The following CNTN4 variants were observed in gnomAD, a reference collection of about 807,000 sequenced individuals.
The protein encoded by CNTN4 is contactin-4.
CNTN4 carries 77 observed loss-of-function variants against 122.5 expected under a neutral mutation model. The observed-to-expected ratio is 0.63, with a 90% CI of 0.52 to 0.76. CNTN4 has a LOEUF of 0.76. CNTN4 is among the 30% of genes least tolerant of loss of function. The pLI, the probability that CNTN4 is intolerant of heterozygous loss-of-function variation, is 0.00. For synonymous variants in CNTN4, 512 were observed against 447.0 expected (o/e 1.15, Z -1.83); for missense variants, 1,256 against 1,259.1 (o/e 1.00, Z 0.04).
chr3:2,154,049 A>G (rs749124862), intron 2 of CNTN4, among the ~76,000 whole-genome samples: 6 of 152,132 alleles, frequency 3.9e-5, no homozygotes, highest in Non-Finnish European at 8.8e-5. Flanking sequence ...TAAAATTTAC[A>G]TTCTGTTATT....
chr3:2,890,820 C>A (rs1420491781), intron 10 of CNTN4, among the ~76,000 whole-genome samples: 1 of 152,124 alleles, frequency 6.6e-6, no homozygotes, highest in South Asian at 2.1e-4. Context: ...CCCATCTTCC[C>A]AATTTGTTTT....
At chr3:2,888,673 T>C (rs2094004962) in intron 10 of CNTN4, among the ~76,000 whole-genome samples, 1 of 151,926 alleles carries the variant, frequency 6.6e-6, no homozygotes, top group Admixed American at 6.6e-5. Context: ...TATGAATATG[T>C]ATATAAATTC....
intron 3 of CNTN4, among the ~76,000 whole-genome samples, chr3:2,419,998 G>A (rs2047556522): frequency 6.6e-6 from 1 of 152,116 alleles, no homozygotes; most frequent in African/African-American, 2.4e-5. Context: ...CACGGTCATT[G>A]GCAACATGAC....
rs141127688 is a variant in CNTN4 at position 2,865,204 on chromosome 3, A to G, written c.455-1548A>G. 6.6e-5 allele frequency among the ~76,000 whole-genome samples: 10 copies of G among 152,328 alleles called. No individual in the cohort carries two copies. In the South Asian group the frequency reaches 1.0e-3, roughly 16 times the overall value. On this transcript the variant is annotated intron_variant, in intron 7 of 24. Transcript: ENST00000418658. ...AAAATGATTAGCCATTCTCATATAA[A>G]CATAATTATATCTTTCTAAAATAAT...
intron 13 of CNTN4, among the ~76,000 whole-genome samples, chr3:2,983,064 A>G (rs1694185019): frequency 1.3e-5 from 2 of 151,530 alleles, no homozygotes; most frequent in Non-Finnish European, 2.9e-5. Context: ...AATACAAAAA[A>G]TTAGCCGGGC....
At chr3:2,723,170 A>G (rs182402597) in intron 4 of CNTN4, among the ~76,000 whole-genome samples, 11 of 152,338 alleles carry the variant, frequency 7.2e-5, no homozygotes, top group East Asian at 1.9e-4. Flanking sequence ...TTCAGGTACT[A>G]TGAAAAACAT....
intron 23 of CNTN4, among the ~76,000 whole-genome samples, chr3:3,049,043 C>T (rs1477155330): frequency 2.0e-5 from 3 of 152,182 alleles, no homozygotes; most frequent in Non-Finnish European, 2.9e-5. Context: ...ACTACTAATA[C>T]GTCTACTAAG....
chr3:2,714,350 A>T (rs1284276103), intron 4 of CNTN4, among the ~76,000 whole-genome samples: 1 of 152,196 alleles, frequency 6.6e-6, no homozygotes, highest in East Asian at 1.9e-4. Flanking sequence ...ACAGTTCTTC[A>T]TACTGTTCTG....
intron 4 of CNTN4, among the ~76,000 whole-genome samples, chr3:2,615,243 A>C (rs895189567): frequency 2.6e-5 from 4 of 152,228 alleles, no homozygotes; most frequent in African/African-American, 9.6e-5. Context: ...ACAGCCATTT[A>C]TAACAGGGTA....
intron 6 of CNTN4, among the ~76,000 whole-genome samples, chr3:2,755,911 C>G (rs981446482): frequency 6.6e-6 from 1 of 152,076 alleles, no homozygotes; most frequent in East Asian, 1.9e-4. Context: ...AAATATCACT[C>G]CTTTTTGTTT....
intron 4 of CNTN4, among the ~76,000 whole-genome samples, chr3:2,643,007 T>C (rs4685540): frequency 2.0e-5 from 3 of 152,308 alleles, no homozygotes; most frequent in Admixed American, 1.3e-4. Flanking sequence ...GATGTAAGGC[T>C]ATATTGAAAT....
Position 2,925,769 on chromosome 3 carries a change from G to C in CNTN4, c.1348G>C (p.Glu450Gln). 5 of 1,613,066 alleles carry C rather than the reference G, an allele frequency of 3.1e-6. No individual in the cohort carries two copies. The highest frequency in any genetic ancestry group is 4.2e-6 in the Non-Finnish European group (5 of 1,179,128). The change falls in exon 13 of 25, where the codon GAA (glutamate) becomes CAA (glutamine). Residue 450 changes from glutamate to glutamine, a missense_variant. Coordinates refer to ENST00000418658, the MANE Select transcript of CNTN4 (RefSeq NM_175607.3). ...GAAGAAAGGAAGGGATATATTAAAA[G>C]AAAATGAAAGGTACTGTCTTGAATT... is the stretch of plus-strand genomic sequence containing the variant. The part of the protein sequence containing the change: ...TWKKGRDILK[E>Q]NERITISEDG...
chr3:2,750,429 A>G (rs1485700787), intron 6 of CNTN4, among the ~76,000 whole-genome samples: 6 of 152,232 alleles, frequency 3.9e-5, no homozygotes, highest in African/African-American at 1.4e-4. Context: ...AAGTTGAATT[A>G]ATTCACATAA....
intron 7 of CNTN4, among the ~76,000 whole-genome samples, chr3:2,830,392 A>G (rs2093078930): frequency 6.6e-6 from 1 of 152,220 alleles, no homozygotes. Context: ...CCGAAAGGAA[A>G]TAATGTTTGG....
At chr3:2,419,821 C>A (rs763507021) in intron 3 of CNTN4, among the ~76,000 whole-genome samples, 1 of 152,094 alleles carries the variant, frequency 6.6e-6, no homozygotes, top group Non-Finnish European at 1.5e-5. Flanking sequence ...TTTCCAGGAC[C>A]CATTTTTCTT....
chr3:2,294,724 C>T (rs996066334), intron 2 of CNTN4, among the ~76,000 whole-genome samples: 9 of 152,064 alleles, frequency 5.9e-5, no homozygotes, highest in African/African-American at 1.2e-4. Context: ...ATGTGCACAA[C>T]GTGCAGGTTT....
At chr3:2,969,267 C>A (rs942744153) in intron 13 of CNTN4, among the ~76,000 whole-genome samples, 1 of 152,152 alleles carries the variant, frequency 6.6e-6, no homozygotes, top group African/African-American at 2.4e-5. Context: ...GTAACCCCAG[C>A]AGAAAACATA....
chr3:2,951,739 TG>T (rs1280826949), intron 13 of CNTN4, among the ~76,000 whole-genome samples: 2 of 152,332 alleles, frequency 1.3e-5, no homozygotes, highest in African/African-American at 4.8e-5. Flanking sequence ...GTAGTTTCAC[TG>T]GTGATATTTT....
intron 3 of CNTN4, among the ~76,000 whole-genome samples, chr3:2,496,076 C>A (rs2076444904): frequency 6.6e-6 from 1 of 152,124 alleles, no homozygotes; most frequent in South Asian, 2.1e-4. Flanking sequence ...TGGGAGATAT[C>A]AGTTGTCAGC....
Sources: gnomAD v4.1 joint callset for allele counts (sites outside exome capture counted in the v4.1 genomes callset) on GRCh38, gnomAD v4.1.1 for gene constraint, MANE v1.5 for transcripts, NCBI Gene and HGNC (gene_info 2026-07-23, HGNC 2026-07-21) for gene names.